BMX: variants seen among roughly 807,000 people sequenced by gnomAD.
BMX encodes cytoplasmic tyrosine-protein kinase BMX.
BMX carries 31 observed loss-of-function variants against 59.2 expected under a neutral mutation model. The ratio of observed to expected loss-of-function variants is 0.52; its 90% CI spans 0.39 to 0.71. BMX has a LOEUF of 0.71. Ranked by LOEUF, BMX falls within the 30% of genes least tolerant of loss-of-function variation. The pLI is 0.00. For synonymous variants in BMX, 185 were observed against 181.0 expected (o/e 1.02, Z -0.18); for missense variants, 474 against 491.7 (o/e 0.96, Z 0.34).
At chrX:15,510,274 G>A (rs771300697) in intron 3 of BMX, among the ~76,000 whole-genome samples, 111 of 111,772 alleles carry the variant, frequency 9.9e-4, no homozygotes, top group Non-Finnish European at 1.6e-3. Flanking sequence ...AAGGTAGATG[G>A]ATTGTCTTTC....
chrX:15,514,557 G>A (rs1924076378), intron 4 of BMX, among the ~76,000 whole-genome samples: 2 of 112,054 alleles, frequency 1.8e-5, no homozygotes, highest in South Asian at 7.4e-4. Flanking sequence ...AAGGTCAAGA[G>A]AGAAAGAGTT....
Position 15,509,382 on chromosome X carries a change from G to A in BMX, c.192G>A (p.Glu64=). 2 of 1,209,040 alleles carry A rather than the reference G, an allele frequency of 1.7e-6. No individual in the cohort carries two copies. Among genetic ancestry groups the A allele is most frequent in the South Asian group, 3.5e-5 (2 of 56,708 alleles). The change falls in exon 3 of 19, where the codon GAG becomes GAA. Residue 64 remains glutamate (E), a synonymous_variant. Transcript: ENST00000348343. ...SIEIKKIRCV[E]KVNLEEQTPV... is the part of the protein sequence containing the mutation. ...AAATTAAGAAAATCAGATGTGTGGA[G>A]AAAGTAAATCTCGAGGAGCAGACGC...
intron 18 of BMX, 64 bp from the exon 19 acceptor site, chrX:15,556,009 T>A (rs1178489928): frequency 9.8e-7 from 1 of 1,025,266 alleles, no homozygotes; most frequent in Non-Finnish European, 1.3e-6. Flanking sequence ...ATATTTTATA[T>A]ATTTTATCAT....
At chrX:15,542,930 G>A (rs970067816) in intron 15 of BMX, 141 bp from the exon 16 acceptor site, 1 of 513,906 alleles carries the variant, frequency 1.9e-6, no homozygotes, top group Non-Finnish European at 3.2e-6. Flanking sequence ...AATTGCAAAG[G>A]AAAAAAAAGA....
In BMX at chrX:15,550,003, T is replaced by C. The variant is rs966653173; in HGVS notation, c.1953+6T>C. ...TGTACAGCTGCTGGCACGAGGCAAG[T>C]GTATTCTCTGGGTGGGCTGGAAGGG... is the stretch of plus-strand genomic sequence containing the variant. On this transcript the variant is annotated splice_donor_region_variant and intron_variant, in intron 18 of 18. Coordinates refer to ENST00000348343, the MANE Select transcript of BMX (RefSeq NM_203281.3). 6 of 1,193,182 alleles carry C rather than the reference T, an allele frequency of 5.0e-6. No individual in the cohort carries two copies. Among genetic ancestry groups the C allele is most frequent in the Non-Finnish European group, 5.7e-6 (5 of 884,552 alleles).
chrX:15,505,417 C>T (rs766067154), intron 1 of BMX, among the ~76,000 whole-genome samples: 3 of 111,848 alleles, frequency 2.7e-5, no homozygotes, highest in Admixed American at 9.5e-5. Context: ...ACCTCAAAAA[C>T]GTGTGGCTTC....
chrX:15,547,025 C>A, intron 17 of BMX, 104 bp downstream of exon 17: 1 of 651,199 alleles, frequency 1.5e-6, no homozygotes, highest in Non-Finnish European at 2.4e-6. Context: ...CCCTTGAACA[C>A]TTACGAAGTT....
At position 15,536,382 on chromosome X, in the gene BMX, T is replaced by C. The variant is rs1375039619; in HGVS notation, c.1177T>C (p.Ser393Pro). 1.7e-6 allele frequency: 2 copies of C among 1,209,705 alleles called. No individual in the cohort carries two copies. The highest frequency in any genetic ancestry group is 2.2e-6 in the Non-Finnish European group (2 of 894,482). The change falls in exon 13 of 19, where the codon TCA (serine) becomes CCA (proline). Residue 393 changes from serine to proline, a missense_variant. By Grantham distance (74) the Ser-to-Pro change is moderately conservative. Coordinates refer to ENST00000348343, the MANE Select transcript of BMX (RefSeq NM_203281.3). ...GATCACACGGCTCCGCCACCCTGTG[T>C]CAACAAAGGCCAACAAGGTCCCCGA... ...GMITRLRHPVSTKANKVPDSV... is the reference protein window; with the variant it reads ...GMITRLRHPVPTKANKVPDSV...
chrX:15,527,283 T>TATATATATATATATAC (rs1285065649), intron 9 of BMX, among the ~76,000 whole-genome samples: 25 of 65,846 alleles, frequency 3.8e-4, no homozygotes, highest in Admixed American at 5.4e-4. Context: ...TATATATATA[T>TATATATATATATATAC]ACACACACAC....
chrX:15,504,425 G>A (rs1923671683), intron 1 of BMX, among the ~76,000 whole-genome samples: 1 of 111,398 alleles, frequency 9.0e-6, no homozygotes, highest in African/African-American at 3.3e-5. Context: ...CATGCCTTCC[G>A]AGTCTGCCAC....
In BMX at chrX:15,508,336, T is replaced by G; in HGVS notation, c.-9-9T>G. 4.7e-6 allele frequency: 5 copies of G among 1,074,499 alleles called. No individual in the cohort carries two copies. Among genetic ancestry groups the G allele is most frequent in the Non-Finnish European group, 6.2e-6 (5 of 802,104 alleles). The allele number at this position is 1,074,499 out of a possible 1,213,427, so 88.6% of individuals were successfully genotyped here. A position where few individuals can be genotyped will look rare whatever the true frequency, so the allele number is the denominator to read the frequency against. On this transcript the variant is annotated splice_polypyrimidine_tract_variant and intron_variant, in intron 1 of 18. Coordinates refer to ENST00000348343, the MANE Select transcript of BMX (RefSeq NM_203281.3). The stretch of plus-strand genomic sequence containing the variant: ...GCAAATACTCATTTTAATTATTTAT[T>G]TTGTTTAGGATGATAATATGGATAC...
intron 18 of BMX, among the ~76,000 whole-genome samples, chrX:15,551,921 C>A (rs1464088783): frequency 9.0e-6 from 1 of 111,332 alleles, no homozygotes; most frequent in African/African-American, 3.3e-5. Flanking sequence ...ACCAGCCATA[C>A]TAAAGGAGAA....
chrX:15,550,263 T>C (rs1926129832), intron 18 of BMX, among the ~76,000 whole-genome samples: 1 of 111,731 alleles, frequency 9.0e-6, no homozygotes, highest in Non-Finnish European at 1.9e-5. Flanking sequence ...AGGTAAGTAC[T>C]ATCATTGCTG....
chrX:15,555,358 A>C (rs1360622408), intron 18 of BMX, among the ~76,000 whole-genome samples: 1 of 108,640 alleles, frequency 9.2e-6, no homozygotes, highest in African/African-American at 3.4e-5. Flanking sequence ...ACAGTTGTGC[A>C]CAACCACAGC....
intron 15 of BMX, among the ~76,000 whole-genome samples, chrX:15,542,464 T>G (rs1925739511): frequency 8.9e-6 from 1 of 111,826 alleles, no homozygotes; most frequent in African/African-American, 3.2e-5. Flanking sequence ...GAAAGACTTC[T>G]GCCAATTTAG....
At chrX:15,501,936 G>C (rs1470125904) in intron 1 of BMX, among the ~76,000 whole-genome samples, 1 of 111,649 alleles carries the variant, frequency 9.0e-6, no homozygotes, top group African/African-American at 3.3e-5. Context: ...TGGGGACAGA[G>C]GGATGAGAAG....
intron 6 of BMX, among the ~76,000 whole-genome samples, chrX:15,519,267 C>T (rs181149822): frequency 6.9e-4 from 77 of 111,876 alleles, no homozygotes; most frequent in Admixed American, 2.0e-3. Flanking sequence ...TACACACATT[C>T]GCACACACTT....
intron 5 of BMX, 37 bp from the exon 6 acceptor site, chrX:15,517,892 A>G: frequency 8.8e-7 from 1 of 1,132,079 alleles, no homozygotes; most frequent in Non-Finnish European, 1.2e-6. Flanking sequence ...TGTTTTGTTT[A>G]AAGTTCCTTC....
At chrX:15,549,717 G>A (rs1460279382) in intron 17 of BMX, 123 bp from the exon 18 acceptor site, 3 of 787,195 alleles carry the variant, frequency 3.8e-6, no homozygotes, top group Non-Finnish European at 5.3e-6. Context: ...CATTTCCCAG[G>A]GATCCCTCAC....
Sources: gnomAD v4.1 joint callset for allele counts (sites outside exome capture counted in the v4.1 genomes callset) on GRCh38, gnomAD v4.1.1 for gene constraint, MANE v1.5 for transcripts, NCBI Gene and HGNC (gene_info 2026-07-23, HGNC 2026-07-21) for gene names.